Variants in IQGAP2 observed in about 807,000 individuals in gnomAD.
IQGAP2 encodes the protein ras GTPase-activating-like protein IQGAP2.
Under a neutral mutation model 201.3 loss-of-function variants are expected in IQGAP2, and 173 were observed. The ratio of observed to expected loss-of-function variants is 0.86; its 90% CI spans 0.76 to 0.98. IQGAP2 has a LOEUF of 0.98. Ranked by LOEUF, IQGAP2 falls within the 50% of genes least tolerant of loss-of-function variation. The pLI, the probability that IQGAP2 is intolerant of heterozygous loss-of-function variation, is 0.00. For synonymous variants in IQGAP2, 675 were observed against 673.9 expected, an observed-to-expected ratio of 1.00 and a Z score of -0.03; for missense variants, 1,687 against 1,864.8, an observed-to-expected ratio of 0.90 and a Z score of 1.76.
At chr5:76,466,972 C>T (rs4333298) in intron 2 of IQGAP2, among the ~76,000 whole-genome samples, 33,658 of 152,120 alleles carry the variant, frequency 0.22, 4,051 homozygotes, top group Middle Eastern at 0.31. Flanking sequence ...GTTCTTAAGT[C>T]GGGTGAGGTG....
intron 13 of IQGAP2, among the ~76,000 whole-genome samples, chr5:76,623,859 C>T (rs1016717407): frequency 6.6e-6 from 1 of 150,908 alleles, no homozygotes; most frequent in Admixed American, 6.6e-5. Flanking sequence ...TTCAGTTTGT[C>T]GTCAGTGCCT....
chr5:76,642,358 G>T (rs17748939), intron 17 of IQGAP2, among the ~76,000 whole-genome samples: 6,708 of 152,180 alleles, frequency 0.044, 210 homozygotes, highest in East Asian at 0.18. Context: ...GAGAAATGGG[G>T]TAAGGACAGG....
intron 2 of IQGAP2, among the ~76,000 whole-genome samples, chr5:76,493,273 G>C (rs116833851): frequency 0.01 from 1,497 of 148,358 alleles, 26 homozygotes; most frequent in African/African-American, 0.035. Context: ...ACAGGGCCCC[G>C]CCCGCCCCTC....
At chr5:76,617,630 A>G in intron 13 of IQGAP2, 1 of 1,613,508 alleles carries the variant, frequency 6.2e-7, no homozygotes, top group Non-Finnish European at 8.5e-7. Flanking sequence ...TTGACATGAG[A>G]AAATAAAGGA....
At chr5:76,659,043 T>G (rs1402709901) in intron 21 of IQGAP2, among the ~76,000 whole-genome samples, 1 of 152,232 alleles carries the variant, frequency 6.6e-6, no homozygotes, top group African/African-American at 2.4e-5. Context: ...CACTGTTGAC[T>G]GAAACATTAT....
At chr5:76,569,782 C>T (rs1744991060) in intron 3 of IQGAP2, among the ~76,000 whole-genome samples, 1 of 152,062 alleles carries the variant, frequency 6.6e-6, no homozygotes, top group African/African-American at 2.4e-5. Context: ...TGGTGCTATG[C>T]ATTTAATTAG....
In IQGAP2 at chr5:76,450,388, A is replaced by G. The variant is rs535562877; in HGVS notation, c.47-11182A>G. ...TATAATAGGGTACCTCCAAAACATA[A>G]AGGTCAGTGAAGACTAAACAAAAAC... On this transcript the variant is annotated intron_variant, in intron 1 of 35. Transcript: ENST00000274364. Among the ~76,000 whole-genome samples the G allele has an allele frequency of 2.0e-5, 3 of 152,334 alleles. No individual in the cohort carries two copies. The South Asian group carries it at 6.2e-4, about 32-fold the overall frequency.
intron 2 of IQGAP2, among the ~76,000 whole-genome samples, chr5:76,523,944 A>G (rs1758831320): frequency 6.6e-6 from 1 of 152,200 alleles, no homozygotes. Context: ...AAGATTAGCT[A>G]GATCCCAGGT....
At position 76,569,654 on chromosome 5, in the gene IQGAP2, G is replaced by A. The variant is rs113048615; in HGVS notation, c.304-926G>A. Among the ~76,000 whole-genome samples the A allele has an allele frequency of 4.0e-3, 612 of 152,320 alleles. 3 individuals are homozygous for A. The highest frequency in any genetic ancestry group is 0.018 in the East Asian group (93 of 5,192). ...ATTAGATTGTAGAAGGTAACAGAAGGTGGGGAGAGCCAAACTTTCTGAATG... is the reference window on the plus strand; with the variant it reads ...ATTAGATTGTAGAAGGTAACAGAAGATGGGGAGAGCCAAACTTTCTGAATG... On this transcript the variant is annotated intron_variant, in intron 3 of 35. Coordinates refer to ENST00000274364, the MANE Select transcript of IQGAP2 (RefSeq NM_006633.5).
chr5:76,617,892 A>C, intron 13 of IQGAP2: 1 of 1,614,140 alleles, frequency 6.2e-7, no homozygotes, highest in Non-Finnish European at 8.5e-7. Flanking sequence ...AAATGGAATT[A>C]AGAATCCAAA....
intron 2 of IQGAP2, among the ~76,000 whole-genome samples, chr5:76,483,515 C>G (rs1168099023): frequency 6.6e-6 from 1 of 152,204 alleles, no homozygotes; most frequent in Admixed American, 6.5e-5. Context: ...AATGTTGATT[C>G]TCTAACCTAC....
At chr5:76,446,211 G>T (rs1580207577) in intron 1 of IQGAP2, among the ~76,000 whole-genome samples, 1 of 152,172 alleles carries the variant, frequency 6.6e-6, no homozygotes, top group East Asian at 1.9e-4. Context: ...CCAGAAGTGG[G>T]ATTGTTGGAT....
At chr5:76,702,703 C>T in intron 35 of IQGAP2, 113 bp downstream of exon 35, 1 of 615,558 alleles carries the variant, frequency 1.6e-6, no homozygotes, top group Non-Finnish European at 2.9e-6. Flanking sequence ...AAAACCAGTG[C>T]CAGCCTTATT....
chr5:76,509,584 T>C (rs948592381), intron 2 of IQGAP2, among the ~76,000 whole-genome samples: 9 of 151,958 alleles, frequency 5.9e-5, no homozygotes, highest in African/African-American at 2.2e-4. Context: ...TTAGTAGAGA[T>C]GGGGTTTCAC....
intron 2 of IQGAP2, among the ~76,000 whole-genome samples, chr5:76,496,260 T>G (rs1756884695): frequency 6.6e-6 from 1 of 152,200 alleles, no homozygotes; most frequent in South Asian, 2.1e-4. Flanking sequence ...GGTCCTCTAC[T>G]TAGGGTCTCT....
intron 1 of IQGAP2, among the ~76,000 whole-genome samples, chr5:76,435,038 T>C (rs1254677140): frequency 1.3e-5 from 2 of 150,944 alleles, no homozygotes; most frequent in Non-Finnish European, 2.9e-5. Flanking sequence ...TGCTCATTTT[T>C]TGATGGGATT....
chr5:76,646,477 T>G (rs1277164730), intron 17 of IQGAP2, among the ~76,000 whole-genome samples: 1 of 152,228 alleles, frequency 6.6e-6, no homozygotes, highest in Non-Finnish European at 1.5e-5. Flanking sequence ...AATCCTAACC[T>G]GCATTCTGAC....
Position 76,671,894 on chromosome 5 carries a change from C to G in IQGAP2, c.2979C>G (p.Ile993Met). The change falls in exon 24 of 36, where the codon ATC (isoleucine) becomes ATG (methionine). Residue 993 changes from isoleucine to methionine, a missense_variant. By Grantham distance (10) the Ile-to-Met change is conservative. Transcript: ENST00000274364. ...QLLAPVVKEI[I>M]DDKSLIINTN... Reference sequence around the variant, plus strand: ...TGGCTCCAGTGGTAAAAGAGATCATCGACGACAAGTCGCTGATTATCAACA... The same window carrying G: ...TGGCTCCAGTGGTAAAAGAGATCATGGACGACAAGTCGCTGATTATCAACA... 6.2e-7 allele frequency: 1 copy of G among 1,614,016 alleles called. No homozygotes were observed. Among genetic ancestry groups the G allele is most frequent in the Non-Finnish European group, 8.5e-7 (1 of 1,179,990 alleles).
chr5:76,610,882 A>T, intron 12 of IQGAP2, 138 bp from the exon 13 acceptor site: 1 of 569,252 alleles, frequency 1.8e-6, no homozygotes, highest in East Asian at 2.8e-5. Context: ...GAGCGTATAG[A>T]CACATAATTG....
Sources: allele counts gnomAD v4.1 joint callset (sites outside exome capture counted in the v4.1 genomes callset), GRCh38; gene constraint gnomAD v4.1.1; transcripts MANE v1.5; gene names NCBI Gene and HGNC (gene_info 2026-07-23, HGNC 2026-07-21).